TWIST2: variants seen among roughly 807,000 people sequenced by gnomAD.
The protein encoded by TWIST2 is twist-related protein 2.
Under a neutral mutation model 11.6 loss-of-function variants are expected in TWIST2, and 1 was observed. The observed-to-expected ratio is 0.09, with a 90% confidence interval of 0.03 to 0.41. The LOEUF (loss-of-function observed/expected upper bound fraction) is 0.41. Ranked by LOEUF, TWIST2 falls within the 10% of genes least tolerant of loss-of-function variation. The pLI, the probability that TWIST2 is intolerant of heterozygous loss-of-function variation, is 0.98. For missense variants in TWIST2, 168 were observed against 226.4 expected (o/e 0.74, Z 1.66); for synonymous variants, 87 against 96.6 (o/e 0.90, Z 0.58).
At chr2:238,852,694 C>T (rs956830717) in intron 1 of TWIST2, among the ~76,000 whole-genome samples, 53 of 152,260 alleles carry the variant, frequency 3.5e-4, no homozygotes, top group African/African-American at 1.2e-3. Flanking sequence ...CACACATGTA[C>T]ACACGAGTGT....
chr2:238,875,896 A>G (rs901004364), intron 1 of TWIST2, among the ~76,000 whole-genome samples: 1 of 152,236 alleles, frequency 6.6e-6, no homozygotes, highest in Non-Finnish European at 1.5e-5. Flanking sequence ...CTGATGCAAT[A>G]GAGAAAAAAT....
intron 1 of TWIST2, among the ~76,000 whole-genome samples, chr2:238,850,982 T>G (rs1057486494): frequency 6.6e-6 from 1 of 152,256 alleles, no homozygotes; most frequent in African/African-American, 2.4e-5. Flanking sequence ...CTTTAACTCA[T>G]TATTCCCTAT....
chr2:238,855,266 T>TGGAAG (rs1692310484), intron 1 of TWIST2, among the ~76,000 whole-genome samples: 1 of 152,072 alleles, frequency 6.6e-6, no homozygotes, highest in African/African-American at 2.4e-5. Flanking sequence ...TACCGCAAAT[T>TGGAAG]GGAAGGGAAG....
At chr2:238,873,201 T>G (rs529147369) in intron 1 of TWIST2, among the ~76,000 whole-genome samples, 1 of 152,038 alleles carries the variant, frequency 6.6e-6, no homozygotes, top group African/African-American at 2.4e-5. Context: ...AACAAATACT[T>G]GTTGAGAGCC....
At position 238,910,396 on chromosome 2, in the gene TWIST2, C is replaced by G. The variant is rs1196830335; in HGVS notation, c.*590C>G. 6.6e-6 allele frequency: 1 copy of G among 151,810 alleles called. No individual in the cohort carries two copies. The highest frequency in any genetic ancestry group is 1.5e-5 in the Non-Finnish European group (1 of 67,972). The allele number at this position is 151,810 out of a possible 1,614,324, so 9.4% of individuals were successfully genotyped here. A position where few individuals can be genotyped will look rare whatever the true frequency, so the allele number is the denominator to read the frequency against. The stretch of plus-strand genomic sequence containing the variant: ...CTTTCTCCGTGATTGCTTGGCTAGC[C>G]ATTTAAAAAAAAATATTCTCTGTTC... On this transcript the variant is annotated 3_prime_UTR_variant, in exon 2 of 2. Coordinates refer to ENST00000612363, the MANE Select transcript of TWIST2 (RefSeq NM_001271893.4).
At chr2:238,858,620 T>C (rs1302216297) in intron 1 of TWIST2, among the ~76,000 whole-genome samples, 1 of 152,172 alleles carries the variant, frequency 6.6e-6, no homozygotes, top group Non-Finnish European at 1.5e-5. Flanking sequence ...GTTTCCCATG[T>C]GGTCCGAGGC....
intron 1 of TWIST2, among the ~76,000 whole-genome samples, chr2:238,896,236 C>T (rs949314863): frequency 6.6e-6 from 1 of 152,186 alleles, no homozygotes; most frequent in Non-Finnish European, 1.5e-5. Flanking sequence ...ACGGCGAACG[C>T]CCCATGTGTG....
intron 1 of TWIST2, among the ~76,000 whole-genome samples, chr2:238,878,141 T>C (rs1466250265): frequency 6.6e-6 from 1 of 152,188 alleles, no homozygotes; most frequent in Non-Finnish European, 1.5e-5. Flanking sequence ...CGTTAAAGGC[T>C]GATGTTCTCT....
At chr2:238,878,665 C>T (rs1183314859) in intron 1 of TWIST2, among the ~76,000 whole-genome samples, 1 of 152,188 alleles carries the variant, frequency 6.6e-6, no homozygotes, top group Non-Finnish European at 1.5e-5. Flanking sequence ...TTTATTCCTC[C>T]AGGAGGTAAC....
intron 1 of TWIST2, among the ~76,000 whole-genome samples, chr2:238,882,428 C>A (rs1462295384): frequency 1.3e-5 from 2 of 152,230 alleles, no homozygotes; most frequent in Non-Finnish European, 2.9e-5. Context: ...GCAGCCTGGA[C>A]AGAAATGCAA....
At chr2:238,885,195 G>A (rs903094616) in intron 1 of TWIST2, among the ~76,000 whole-genome samples, 1 of 152,208 alleles carries the variant, frequency 6.6e-6, no homozygotes, top group African/African-American at 2.4e-5. Flanking sequence ...GGTCTTCTGA[G>A]TGGAACCCTG....
intron 1 of TWIST2, among the ~76,000 whole-genome samples, chr2:238,902,234 G>A (rs1170469498): frequency 3.1e-5 from 4 of 129,628 alleles, no homozygotes; most frequent in Non-Finnish European, 3.4e-5. Context: ...ATGTGTGTGT[G>A]TGATGTGTGT....
chr2:238,856,870 G>C (rs1435437906), intron 1 of TWIST2, among the ~76,000 whole-genome samples: 3 of 152,210 alleles, frequency 2.0e-5, no homozygotes, highest in African/African-American at 7.2e-5. Context: ...CCACGAGGGA[G>C]GCCGCTGCAG....
chr2:238,887,191 G>A (rs1252722615), intron 1 of TWIST2: 1 of 151,942 alleles, frequency 6.6e-6, no homozygotes, highest in Non-Finnish European at 1.5e-5. Flanking sequence ...GGGGCGCCCG[G>A]TAATAACCCT....
chr2:238,874,983 A>T (rs893327514), intron 1 of TWIST2, among the ~76,000 whole-genome samples: 4 of 152,124 alleles, frequency 2.6e-5, no homozygotes, highest in African/African-American at 9.7e-5. Context: ...TGCACAAAGG[A>T]ACAAAAACAA....
chr2:238,878,803 TG>T (rs1282536791), intron 1 of TWIST2, among the ~76,000 whole-genome samples: 3 of 152,140 alleles, frequency 2.0e-5, no homozygotes, highest in Non-Finnish European at 2.9e-5. Context: ...GTCCCAGCAG[TG>T]GGGGGTCCGT....
intron 1 of TWIST2, among the ~76,000 whole-genome samples, chr2:238,893,373 G>C (rs1169664925): frequency 2.0e-5 from 3 of 152,128 alleles, no homozygotes; most frequent in African/African-American, 7.2e-5. Context: ...TATGGCTTAT[G>C]GTCAGCGTTG....
rs140292190 is a variant in TWIST2, at chr2:238,864,028, C to T, written c.*35+15295C>T. 3.7e-3 allele frequency among the ~76,000 whole-genome samples: 569 copies of T among 152,264 alleles called. 2 individuals carry two copies. The highest frequency in any genetic ancestry group is 0.013 in the African/African-American group (532 of 41,546). On this transcript the variant is annotated intron_variant, in intron 1 of 1. Coordinates refer to ENST00000612363, the MANE Select transcript of TWIST2 (RefSeq NM_001271893.4). This position sits in a 1 kb window ranked among gnomAD's most constrained non-coding sequence, Gnocchi z 4.7. ...ATCTCTCATTTCCTTTCAGATTCTT[C>T]GCCATAATCTAATTTTCGTTAAGCC...
intron 1 of TWIST2, among the ~76,000 whole-genome samples, chr2:238,849,361 C>T (rs1396575207): frequency 6.6e-6 from 1 of 152,208 alleles, no homozygotes; most frequent in Non-Finnish European, 1.5e-5. Context: ...GAGGAAACTG[C>T]CCTGCGCTTC....
Sources: gnomAD v4.1 joint callset for allele counts (sites outside exome capture counted in the v4.1 genomes callset) on GRCh38, gnomAD v4.1.1 for gene constraint, Gnocchi (gnomAD v3.1) non-coding constraint, MANE v1.5 for transcripts, NCBI Gene and HGNC (gene_info 2026-07-23, HGNC 2026-07-21) for gene names.